Variants in ANGPT4 observed in about 807,000 individuals in gnomAD.
The protein encoded by ANGPT4 is angiopoietin-4.
ANGPT4 carries 50 observed loss-of-function variants against 53.0 expected under a neutral mutation model. The ratio of observed to expected loss-of-function variants is 0.94; its 90% confidence interval spans 0.75 to 1.20. The LOEUF (loss-of-function observed/expected upper bound fraction) is 1.20. Among genes scored for constraint, ANGPT4 ranks in the 50% most tolerant of loss-of-function variants. ANGPT4 has a pLI of 0.00. For missense variants in ANGPT4, 648 were observed against 637.1 expected (o/e 1.02, Z -0.18); for synonymous variants, 251 against 259.7 (o/e 0.97, Z 0.32).
intron 3 of ANGPT4, among the ~76,000 whole-genome samples, chr20:887,630 T>C (rs1981663960): frequency 8.9e-6 from 1 of 112,720 alleles, no homozygotes; most frequent in Non-Finnish European, 1.7e-5. Context: ...CTAAACCTCA[T>C]GACCGCTTTT....
rs117197069 is a variant in ANGPT4 at position 888,480 on chromosome 20, G to A, written c.466-41C>T. 914 of 1,580,360 alleles carry A rather than the reference G, an allele frequency of 5.8e-4. 1 individual carries two copies. Among genetic ancestry groups the A allele is most frequent in the Non-Finnish European group, 7.1e-4 (832 of 1,167,522 alleles). Reference sequence around the variant, plus strand: ...GAAGCAGGTAGGGGGCTGCGTAAGCGCTACAGGAGCCCTGCCCAACCACCC... The same window carrying A: ...GAAGCAGGTAGGGGGCTGCGTAAGCACTACAGGAGCCCTGCCCAACCACCC... On this transcript the variant is annotated intron_variant, in intron 2 of 8. Transcript: ENST00000381922.
intron 1 of ANGPT4, among the ~76,000 whole-genome samples, chr20:896,693 T>G (rs1258564271): frequency 6.6e-6 from 1 of 152,234 alleles, no homozygotes; most frequent in Non-Finnish European, 1.5e-5. Context: ...ATCACAGCTC[T>G]TAGCTTACTG....
chr20:908,693 AG>A lies in ANGPT4; in HGVS notation c.309+7212del, dbSNP rs894350157. On this transcript the variant is annotated intron_variant, in intron 1 of 8. Transcript: ENST00000381922. The surrounding 1 kb of genome is among the most constrained non-coding windows in gnomAD (Gnocchi z 4.9). ...TAAGCCCTCAATAAACAGTGGTGGA[AG>A]GGACAATTAAATGAATGCAGGAATG... Among the ~76,000 whole-genome samples, 4 of 152,086 alleles carry A rather than the reference AG, an allele frequency of 2.6e-5. No individual in the cohort carries two copies. Among genetic ancestry groups the A allele is most frequent in the African/African-American group, 9.7e-5 (4 of 41,406 alleles).
chr20:912,506 C>T (rs1982742834), intron 1 of ANGPT4, among the ~76,000 whole-genome samples: 2 of 152,200 alleles, frequency 1.3e-5, no homozygotes, highest in Non-Finnish European at 1.5e-5. Context: ...AGCTTCTCAT[C>T]CATATGAGCG....
In ANGPT4 at chr20:914,834, C is replaced by T. The variant is rs773348553; in HGVS notation, c.309+1072G>A. On this transcript the variant is annotated intron_variant, in intron 1 of 8. Coordinates refer to ENST00000381922, the MANE Select transcript of ANGPT4 (RefSeq NM_015985.4). This position sits in a 1 kb window ranked among gnomAD's most constrained non-coding sequence, Gnocchi z 5.0. ...CACACCTCTGTAGTCAGTGCTTCTC[C>T]GAGGGTACACAATAGGTGCTCACAC... 2.0e-5 allele frequency among the ~76,000 whole-genome samples: 3 copies of T among 152,098 alleles called. No homozygotes were observed. Among genetic ancestry groups the T allele is most frequent in the Non-Finnish European group, 4.4e-5 (3 of 68,014 alleles).
intron 8 of ANGPT4, among the ~76,000 whole-genome samples, chr20:873,405 C>A (rs1328671100): frequency 2.0e-5 from 3 of 151,816 alleles, no homozygotes; most frequent in Non-Finnish European, 4.4e-5. Context: ...TGTCTTCCTC[C>A]CTCACTGAAC....
At chr20:901,078 G>A (rs947010184) in intron 1 of ANGPT4, among the ~76,000 whole-genome samples, 85 of 152,198 alleles carry the variant, frequency 5.6e-4, no homozygotes, top group Non-Finnish European at 1.6e-4. Context: ...AATCCTGCTC[G>A]AAGAAGCCCT....
Position 874,380 on chromosome 20 carries a change from GC to G in ANGPT4, c.1254del (p.Arg419AlafsTer29). 1 of 1,613,902 alleles carries G rather than the reference GC, an allele frequency of 6.2e-7. No homozygotes were observed. The highest frequency in any genetic ancestry group is 8.5e-7 in the Non-Finnish European group (1 of 1,180,032). On this transcript the variant is annotated frameshift_variant, in exon 8 of 9. Coordinates refer to ENST00000381922, the MANE Select transcript of ANGPT4 (RefSeq NM_015985.4). LOFTEE classifies it high-confidence loss of function. ...LSVVGYSGSAGRQSSLVLQNT... is the reference protein window; with the variant it reads ...LSVVGYSGSAXRQSSLVLQNT... ...TTCTGCAGGACCAGGCTGCTCTGGC[GC>G]CCTGCTGAGCCGCTGTACCCGACCA... is the stretch of plus-strand genomic sequence containing the variant.
chr20:874,170 C>A (rs902205304), intron 8 of ANGPT4, 114 bp downstream of exon 8: 5 of 1,511,870 alleles, frequency 3.3e-6, no homozygotes, highest in Admixed American at 3.6e-5. Context: ...AAGGCCCAGA[C>A]CTGCACCCAT....
chr20:874,339 G>A lies in ANGPT4; in HGVS notation c.1296C>T (p.Thr432=), dbSNP rs1055555310. 5.0e-6 allele frequency: 8 copies of A among 1,614,070 alleles called. No individual in the cohort carries two copies. Among genetic ancestry groups the A allele is most frequent in the Non-Finnish European group, 6.8e-6 (8 of 1,180,032 alleles). Residue 432 remains threonine, a synonymous_variant, in exon 8 of 9, where the codon ACC becomes ACT. Coordinates refer to ENST00000381922, the MANE Select transcript of ANGPT4 (RefSeq NM_015985.4). ...SLVLQNTSFS[T]LDSDNDHCLC... is the part of the protein sequence containing the mutation. ...GACAGTGGTCGTTGTCTGAGTCAAG[G>A]GTGCTAAAGCTGGTGTTCTGCAGGA...
chr20:880,126 C>G (rs530781261), intron 5 of ANGPT4, among the ~76,000 whole-genome samples: 87 of 152,288 alleles, frequency 5.7e-4, no homozygotes, highest in Admixed American at 1.0e-3. Flanking sequence ...CATCTACCAA[C>G]TGGGGTTGTG....
chr20:885,177 G>T lies in ANGPT4; in HGVS notation c.736C>A (p.His246Asn). The T allele has an allele frequency of 6.2e-7, 1 of 1,606,176 alleles. No homozygotes were observed. The highest frequency in any genetic ancestry group is 8.5e-7 in the Non-Finnish European group (1 of 1,176,574). The change falls in exon 4 of 9, where the codon CAC becomes AAC. Residue 246 changes from histidine (H) to asparagine (N), a missense_variant. Coordinates refer to ENST00000381922, the MANE Select transcript of ANGPT4 (RefSeq NM_015985.4). ...TGGTCCTGCAGGAGGCTGGAGTTGT[G>T]CCTGACACCGCGCAGGCCGCGCTCG... ...NIERGLRGVRHNSSLLQDQQH... is the reference protein window; with the variant it reads ...NIERGLRGVRNNSSLLQDQQH...
At chr20:900,690 CTG>C (rs1482291644) in intron 1 of ANGPT4, among the ~76,000 whole-genome samples, 2 of 152,130 alleles carry the variant, frequency 1.3e-5, no homozygotes, top group African/African-American at 4.8e-5. Context: ...AAGGAGGACT[CTG>C]AATATTTCCA....
intron 1 of ANGPT4, 111 bp from the exon 2 acceptor site, chr20:890,479 T>A: frequency 2.0e-6 from 2 of 997,812 alleles, no homozygotes; most frequent in Non-Finnish European, 1.4e-6. Context: ...CCTCCCTGGC[T>A]CAGAACATGC....
At chr20:880,365 G>A (rs574044303) in intron 5 of ANGPT4, among the ~76,000 whole-genome samples, 24 of 152,232 alleles carry the variant, frequency 1.6e-4, no homozygotes, top group African/African-American at 5.1e-4. Flanking sequence ...AGGGAGGATC[G>A]CTTGAGCTCA....
chr20:877,474 A>G (rs1981213045), intron 7 of ANGPT4, among the ~76,000 whole-genome samples: 1 of 152,328 alleles, frequency 6.6e-6, no homozygotes, highest in Non-Finnish European at 1.5e-5. Context: ...TTTGGGCAGG[A>G]TACTTAAACT....
chr20:875,019 A>G (rs1300760377), intron 7 of ANGPT4, among the ~76,000 whole-genome samples: 5 of 148,252 alleles, frequency 3.4e-5, no homozygotes, highest in African/African-American at 9.9e-5. Flanking sequence ...CGTGCCCGGC[A>G]ACGTTTCTTT....
intron 1 of ANGPT4, among the ~76,000 whole-genome samples, chr20:899,799 G>A (rs1179472596): frequency 6.6e-6 from 1 of 152,116 alleles, no homozygotes; most frequent in East Asian, 1.9e-4. Context: ...CTATTCCTTT[G>A]CATCCTTCAT....
chr20:899,768 A>T (rs907605498), intron 1 of ANGPT4, among the ~76,000 whole-genome samples: 2 of 152,070 alleles, frequency 1.3e-5, no homozygotes, highest in Admixed American at 6.6e-5. Context: ...TCTGTTCTGG[A>T]TCTCAAAGAT....
Sources: allele counts gnomAD v4.1 joint callset (sites outside exome capture counted in the v4.1 genomes callset), GRCh38; gene constraint gnomAD v4.1.1; non-coding constraint Gnocchi (gnomAD v3.1); transcripts MANE v1.5; gene names NCBI Gene and HGNC (gene_info 2026-07-23, HGNC 2026-07-21).